The following VAC14 variants were observed in gnomAD, a reference collection of about 807,000 sequenced individuals.
VAC14 encodes VAC14 component of PIKFYVE complex.
VAC14 carries 47 observed loss-of-function variants against 85.3 expected under a neutral mutation model. The observed-to-expected ratio is 0.55, with a 90% CI of 0.44 to 0.70. The LOEUF (loss-of-function observed/expected upper bound fraction) is 0.70. Ranked by LOEUF, VAC14 falls within the 30% of genes least tolerant of loss-of-function variation. The probability of loss-of-function intolerance (pLI) is 0.00; values close to 1 mark genes in which losing one functional copy is unlikely to be tolerated. For missense variants in VAC14, 861 were observed against 1,004.3 expected (o/e 0.86, Z 1.93); for synonymous variants, 447 against 430.5 (o/e 1.04, Z -0.47).
Position 70,695,929 on chromosome 16 carries a change from C to A in VAC14, c.1956-306G>T, listed in dbSNP as rs542613398. ...GGGGGAGGGCTGGGCAGGAAGGGTTCTCTCCTTTCCTGCCAGCAGGGCTGC... is the reference window on the plus strand; with the variant it reads ...GGGGGAGGGCTGGGCAGGAAGGGTTATCTCCTTTCCTGCCAGCAGGGCTGC... On this transcript the variant is annotated intron_variant, in intron 16 of 18. Coordinates refer to ENST00000261776, the MANE Select transcript of VAC14 (RefSeq NM_018052.5). 4.0e-4 allele frequency: 101 copies of A among 254,894 alleles called. No individual in the cohort carries two copies. In the Middle Eastern group the frequency reaches 7.7e-3, roughly 19 times the overall value. The allele number at this position is 254,894 out of a possible 1,614,324, so 15.8% of individuals were successfully genotyped here.
intron 9 of VAC14, among the ~76,000 whole-genome samples, chr16:70,774,912 A>AT (rs970722788): frequency 6.5e-4 from 95 of 146,930 alleles, no homozygotes; most frequent in African/African-American, 1.4e-3. Flanking sequence ...TGCCCGGCTA[A>AT]TTTTTTTTTT....
chr16:70,718,035 C>T (rs1298081610), intron 14 of VAC14, among the ~76,000 whole-genome samples: 1 of 152,238 alleles, frequency 6.6e-6, no homozygotes, highest in Non-Finnish European at 1.5e-5. Context: ...CCCCAGAACA[C>T]CTGCGTTCCA....
At chr16:70,786,061 C>T in intron 2 of VAC14, 154 bp downstream of exon 2, 1 of 1,413,058 alleles carries the variant, frequency 7.1e-7, no homozygotes, top group South Asian at 1.4e-5. Context: ...TGCAAGGCCG[C>T]AAAGCCAGCC....
chr16:70,710,685 G>C (rs1029585321), intron 14 of VAC14, among the ~76,000 whole-genome samples: 14 of 152,154 alleles, frequency 9.2e-5, no homozygotes, highest in African/African-American at 3.4e-4. Context: ...CTTCTGCCTC[G>C]TCGGTGCTGG....
rs1280541165 is a variant in VAC14, at chr16:70,762,297, G to A, written c.1371+243C>T. On this transcript the variant is annotated intron_variant, in intron 12 of 18. Transcript: ENST00000261776. This position sits in a 1 kb window ranked among gnomAD's most constrained non-coding sequence, Gnocchi z 4.1. ...TAATTTTTGTATTTTGAGTAGAGAC[G>A]GAGTTTCACCATGTTGGCCAGGCTA... is the stretch of plus-strand genomic sequence containing the variant. Among the ~76,000 whole-genome samples, 3 of 152,056 alleles carry A rather than the reference G, an allele frequency of 2.0e-5. No individual in the cohort carries two copies. Among genetic ancestry groups the A allele is most frequent in the Admixed American group, 6.6e-5 (1 of 15,260 alleles).
chr16:70,734,557 G>A (rs779176180), intron 13 of VAC14, among the ~76,000 whole-genome samples: 4 of 152,132 alleles, frequency 2.6e-5, no homozygotes, highest in Non-Finnish European at 5.9e-5. Context: ...CTAATCTAAG[G>A]TCATAAAGAT....
chr16:70,786,239 G>A lies in VAC14; in HGVS notation c.231C>T (p.Ala77=), dbSNP rs757371325. The change falls in exon 2 of 19, where the codon GCC becomes GCT. Residue 77 remains alanine (A), a synonymous_variant. Transcript: ENST00000261776. Reference sequence around the variant, plus strand: ...CCTTGCCCAGTGCGATGGAGCAGGCGGCCAGGCCGATGAGGCCCCCTTTCC... The same window carrying A: ...CCTTGCCCAGTGCGATGGAGCAGGCAGCCAGGCCGATGAGGCCCCCTTTCC... ...HSRKGGLIGL[A]ACSIALGKDS... is the part of the protein sequence containing the mutation. 23 of 1,614,098 alleles carry A rather than the reference G, an allele frequency of 1.4e-5. No homozygotes were observed. Among genetic ancestry groups the A allele is most frequent in the Admixed American group, 3.3e-5 (2 of 60,004 alleles).
chr16:70,748,080 C>A (rs574757941), intron 12 of VAC14, among the ~76,000 whole-genome samples: 1 of 152,232 alleles, frequency 6.6e-6, no homozygotes, highest in African/African-American at 2.4e-5. Flanking sequence ...GAGACTTGGA[C>A]AGTCACCTGC....
chr16:70,761,182 C>T (rs974833450), intron 12 of VAC14: 3 of 455,980 alleles, frequency 6.6e-6, no homozygotes, highest in South Asian at 4.7e-5. Flanking sequence ...ATTCAGGCTG[C>T]AGGACAGCTG....
intron 12 of VAC14, chr16:70,755,170 G>T (rs770088032): frequency 6.5e-6 from 2 of 309,444 alleles, no homozygotes; most frequent in Non-Finnish European, 1.3e-5. Context: ...CGGCCTCAGC[G>T]CTTCTGGGAG....
chr16:70,768,152 C>G (rs1467496792), intron 10 of VAC14, among the ~76,000 whole-genome samples: 2 of 152,230 alleles, frequency 1.3e-5, no homozygotes, highest in African/African-American at 4.8e-5. Flanking sequence ...TCCCAAAGTG[C>G]TGGGACTACA....
intron 1 of VAC14, among the ~76,000 whole-genome samples, chr16:70,794,000 G>A (rs1334352867): frequency 6.6e-6 from 1 of 152,152 alleles, no homozygotes; most frequent in Non-Finnish European, 1.5e-5. Context: ...GATCCAACCA[G>A]TGGAAAAAAC....
At chr16:70,739,604 G>T (rs567566265) in intron 13 of VAC14, among the ~76,000 whole-genome samples, 2 of 152,152 alleles carry the variant, frequency 1.3e-5, no homozygotes, top group Non-Finnish European at 2.9e-5. Context: ...CAAACAAGTG[G>T]GGAATGACAC....
At chr16:70,698,577 C>G (rs1406514448) in intron 15 of VAC14, 60 bp downstream of exon 15, 3 of 1,598,186 alleles carry the variant, frequency 1.9e-6, no homozygotes, top group Non-Finnish European at 2.6e-6. Context: ...CGGGCTCACA[C>G]AGGGTGTGCC....
At position 70,688,459 on chromosome 16, in the gene VAC14, G is replaced by C. The variant is rs143149429; in HGVS notation, c.2187-369C>G. 3.6e-4 allele frequency: 355 copies of C among 997,712 alleles called. 1 individual carries two copies. The African/African-American group carries it at 4.8e-3, about 13-fold the overall frequency. The allele number at this position is 997,712 out of a possible 1,614,324, so 61.8% of individuals were successfully genotyped here. On this transcript the variant is annotated intron_variant, in intron 18 of 18. Coordinates refer to ENST00000261776, the MANE Select transcript of VAC14 (RefSeq NM_018052.5). The stretch of plus-strand genomic sequence containing the variant: ...GAAGCCAGCTGGGGCCTGGAACAGG[G>C]TCTGGGGAGAAGGGGGAGGTGGCAG...
intron 1 of VAC14, among the ~76,000 whole-genome samples, chr16:70,799,194 G>C (rs1206729494): frequency 5.9e-5 from 9 of 152,184 alleles, no homozygotes; most frequent in Non-Finnish European, 1.3e-4. Flanking sequence ...ACAAAACTAG[G>C]TGTCAAGGCA....
chr16:70,689,082 C>A (rs2053551861), intron 18 of VAC14: 1 of 985,352 alleles, frequency 1.0e-6, no homozygotes, highest in Non-Finnish European at 1.2e-6. Context: ...AAGGGGGGTG[C>A]AGGCACTGGC....
chr16:70,778,421 A>C (rs553617022), intron 9 of VAC14: 1 of 150,408 alleles, frequency 6.6e-6, no homozygotes, highest in African/African-American at 2.4e-5. Context: ...ATAGGCACTG[A>C]CTTTTTTTTT....
In VAC14 at chr16:70,692,860, C is replaced by T. The variant is rs1345402735; in HGVS notation, c.2147G>A (p.Arg716Gln). The T allele has an allele frequency of 3.1e-6, 5 of 1,604,138 alleles. No individual in the cohort carries two copies. Among genetic ancestry groups the T allele is most frequent in the Non-Finnish European group, 4.2e-6 (5 of 1,177,104 alleles). ...QSSAFQLLSH[R>Q]LQCVPNPELL... ...CTCAGGGTTGGGCACGCACTGGAGCCGGTGCGAGAGCAGCTGGAAGGCGCT... is the reference window on the plus strand; with the variant it reads ...CTCAGGGTTGGGCACGCACTGGAGCTGGTGCGAGAGCAGCTGGAAGGCGCT... The change falls in exon 18 of 19, where the codon CGG becomes CAG. Residue 716 changes from arginine to glutamine, a missense_variant. Arg to Gln is a conservative substitution (Grantham distance 43). This residue lies in a region of VAC14 where 163 missense variants were observed against 162.2 expected (regional missense o/e 1.00). Transcript: ENST00000261776.
Sources: allele counts gnomAD v4.1 joint callset (sites outside exome capture counted in the v4.1 genomes callset), GRCh38; gene constraint gnomAD v4.1.1; regional missense constraint gnomAD v4.1.1; non-coding constraint Gnocchi (gnomAD v3.1); transcripts MANE v1.5; gene names NCBI Gene and HGNC (gene_info 2026-07-23, HGNC 2026-07-21).